Variants in SLC35D4 observed in about 807,000 individuals in gnomAD.
SLC35D4 encodes the protein solute carrier family 35 member D4.
chr18:23,375,566 A>G, the SLC35D4 span, among the ~76,000 whole-genome samples: 1 of 152,290 alleles, frequency 6.6e-6, no homozygotes, highest in South Asian at 2.1e-4. Context: ...TTCCCCCCGT[A>G]AAATGTTTTA....
At chr18:23,416,356 A>C in the SLC35D4 span, among the ~76,000 whole-genome samples, 1 of 152,274 alleles carries the variant, frequency 6.6e-6, no homozygotes, top group South Asian at 2.1e-4. Context: ...TCCCCACCCC[A>C]TAGTAACCTC....
At chr18:23,373,604 G>T in the SLC35D4 span, 1 of 1,288,932 alleles carries the variant, frequency 7.8e-7, no homozygotes, top group Non-Finnish European at 1.1e-6. Flanking sequence ...TTCTGCATAG[G>T]CCAAGTTATC....
the SLC35D4 span, among the ~76,000 whole-genome samples, chr18:23,239,082 T>A: frequency 4.6e-5 from 7 of 152,340 alleles, no homozygotes; most frequent in Admixed American, 2.6e-4. Flanking sequence ...TTTTATCTGA[T>A]CTTTTTTTTC....
chr18:23,293,264 A>C, the SLC35D4 span, among the ~76,000 whole-genome samples: 4 of 152,170 alleles, frequency 2.6e-5, no homozygotes, highest in Non-Finnish European at 5.9e-5. Context: ...TGAATGAATG[A>C]ATGAATATAA....
chr18:23,352,355 T>G, the SLC35D4 span: 1 of 1,280,736 alleles, frequency 7.8e-7, no homozygotes, highest in South Asian at 1.4e-5. Context: ...CTGACTAGTG[T>G]CTGCTACATT....
the SLC35D4 span, chr18:23,295,975 T>C: frequency 6.6e-6 from 1 of 152,162 alleles, no homozygotes; most frequent in African/African-American, 2.4e-5. Flanking sequence ...GTCATTATTT[T>C]CTTAAACCTT....
the SLC35D4 span, chr18:23,384,945 A>G: frequency 1.3e-6 from 2 of 1,575,554 alleles, no homozygotes; most frequent in African/African-American, 1.3e-5. Context: ...CTTCTTTGAA[A>G]TCTAAAACAA....
At chr18:23,356,588 GAT>G in the SLC35D4 span, 1 of 1,613,964 alleles carries the variant, frequency 6.2e-7, no homozygotes, top group East Asian at 2.2e-5. This position sits in a 1 kb window ranked among gnomAD's most constrained non-coding sequence, Gnocchi z 4.1. Context: ...GTGAGCTTAC[GAT>G]TACCTGGCAC....
the SLC35D4 span, among the ~76,000 whole-genome samples, chr18:23,414,268 GAAAAA>G: frequency 2.7e-5 from 3 of 110,218 alleles, no homozygotes; most frequent in African/African-American, 9.8e-5. Context: ...AGAAAGAAAA[GAAAAA>G]AAAGAAAAAG....
At chr18:23,363,226 C>A in the SLC35D4 span, among the ~76,000 whole-genome samples, 1 of 137,168 alleles carries the variant, frequency 7.3e-6, no homozygotes, top group African/African-American at 2.7e-5. Flanking sequence ...CCTGGCCAGC[C>A]TGGGCAACAG....
the SLC35D4 span, among the ~76,000 whole-genome samples, chr18:23,334,162 T>C: frequency 6.6e-6 from 1 of 152,318 alleles, no homozygotes; most frequent in Non-Finnish European, 1.5e-5. Flanking sequence ...ACTAATCACC[T>C]ACTATATTCA....
the SLC35D4 span, among the ~76,000 whole-genome samples, chr18:23,358,583 G>A: frequency 4.6e-5 from 7 of 152,132 alleles, no homozygotes; most frequent in Admixed American, 1.3e-4. Flanking sequence ...TCACACATTG[G>A]TTTCTCACAC....
the SLC35D4 span, among the ~76,000 whole-genome samples, chr18:23,378,837 CAA>C: frequency 4.3e-5 from 6 of 139,546 alleles, no homozygotes; most frequent in African/African-American, 1.5e-4. Context: ...GAAGCGCTGA[CAA>C]GAGAAACATG....
the SLC35D4 span, among the ~76,000 whole-genome samples, chr18:23,271,686 T>C: frequency 6.6e-6 from 1 of 152,150 alleles, no homozygotes; most frequent in Non-Finnish European, 1.5e-5. Flanking sequence ...CTTGGAAAGA[T>C]CAAGGCATGA....
the SLC35D4 span, chr18:23,371,392 G>A: frequency 1.3e-6 from 2 of 1,535,978 alleles, no homozygotes; most frequent in African/African-American, 1.4e-5. Context: ...ACCGTGCCCA[G>A]CCTTACATAA....
At chr18:23,405,227 A>T in the SLC35D4 span, among the ~76,000 whole-genome samples, 1 of 151,872 alleles carries the variant, frequency 6.6e-6, no homozygotes, top group Non-Finnish European at 1.5e-5. Flanking sequence ...TCGCTCTGTC[A>T]CCCTGGCTGG....
the SLC35D4 span, among the ~76,000 whole-genome samples, chr18:23,332,611 A>C: frequency 6.6e-6 from 1 of 152,160 alleles, no homozygotes; most frequent in African/African-American, 2.4e-5. Flanking sequence ...TGAAAGCTGA[A>C]ATTTCACCTA....
the SLC35D4 span, among the ~76,000 whole-genome samples, chr18:23,304,561 A>G: frequency 2.0e-5 from 3 of 151,254 alleles, no homozygotes; most frequent in African/African-American, 7.3e-5. Flanking sequence ...TATATATAGA[A>G]AGAGAGAGAG....
chr18:23,407,574 A>ATC, the SLC35D4 span, among the ~76,000 whole-genome samples: 5 of 140,218 alleles, frequency 3.6e-5, no homozygotes, highest in Non-Finnish European at 5.9e-5. Flanking sequence ...CTTTCTCTTT[A>ATC]TCTCACACAC....
Sources: allele counts gnomAD v4.1 joint callset (sites outside exome capture counted in the v4.1 genomes callset), GRCh38; gene constraint gnomAD v4.1.1; non-coding constraint Gnocchi (gnomAD v3.1); transcripts MANE v1.5; gene names NCBI Gene and HGNC (gene_info 2026-07-23, HGNC 2026-07-21).